The following MX2 variants were observed in gnomAD, a reference collection of about 807,000 sequenced individuals.
MX2 encodes the protein MX dynamin like GTPase 2.
Under a neutral mutation model 74.0 loss-of-function variants are expected in MX2, and 51 were observed. That is an observed-to-expected ratio of 0.69 (90% CI 0.55 to 0.87). The LOEUF is 0.87. Among genes scored for constraint, MX2 ranks in the 40% least tolerant of loss-of-function variants. MX2 has a pLI of 0.00. For synonymous variants in MX2, 369 were observed against 339.3 expected, an observed-to-expected ratio of 1.09 and a Z score of -0.96; for missense variants, 832 against 908.7, an observed-to-expected ratio of 0.92 and a Z score of 1.09.
At chr21:41,362,769 T>TTTTTTC (rs2089227719) in intron 1 of MX2, among the ~76,000 whole-genome samples, 1 of 142,864 alleles carries the variant, frequency 7.0e-6, no homozygotes, top group Non-Finnish European at 1.5e-5. Context: ...TTTTTTTTTT[T>TTTTTTC]TTTTTTTGAG....
intron 5 of MX2, among the ~76,000 whole-genome samples, chr21:41,389,296 C>T (rs2089624267): frequency 1.3e-5 from 2 of 152,166 alleles, no homozygotes; most frequent in South Asian, 4.2e-4. Flanking sequence ...GAGCAGATTA[C>T]TTGCGGCCAG....
chr21:41,398,864 C>T (rs375570869), intron 8 of MX2, 33 bp from the exon 9 acceptor site: 426 of 1,602,030 alleles, frequency 2.7e-4, no homozygotes, highest in Non-Finnish European at 2.5e-4. Flanking sequence ...TCTCTTAAGC[C>T]GCAGTTTGAT....
rs144980650 is a variant in MX2 at position 41,385,163 on chromosome 21, G to A, written c.732+2599G>A. Among the ~76,000 whole-genome samples, 1,086 of 152,288 alleles carry A rather than the reference G, an allele frequency of 7.1e-3. 13 individuals carry two copies. The highest frequency in any genetic ancestry group is 0.025 in the African/African-American group (1,024 of 41,550). On this transcript the variant is annotated intron_variant, in intron 5 of 13. Transcript: ENST00000330714. ...CCTTTGTATTCAACACTTAGCTAAC[G>A]GGTTGGCACAAGCAGCTTAGCTTTT...
chr21:41,377,637 C>T (rs1338246190), intron 2 of MX2, 152 bp from the exon 3 acceptor site: 2 of 771,604 alleles, frequency 2.6e-6, no homozygotes, highest in African/African-American at 3.5e-5. Flanking sequence ...CAGAAGGGCC[C>T]CTGAAAGCAG....
chr21:41,397,749 T>TAGCCAACTCCAGACCAAGAGA, intron 8 of MX2, 58 bp downstream of exon 8: 1 of 1,492,470 alleles, frequency 6.7e-7, no homozygotes, highest in South Asian at 1.1e-5. Flanking sequence ...GTCACTCTCT[T>TAGCCAACTCCAGACCAAGAGA]GGTCTGGAGT....
intron 12 of MX2, 114 bp downstream of exon 12, chr21:41,403,457 C>A: frequency 1.0e-6 from 1 of 958,906 alleles, no homozygotes; most frequent in Non-Finnish European, 1.7e-6. Flanking sequence ...TAATGGCAGG[C>A]TGGCGAGGCT....
rs368410852 is a variant in MX2 at position 41,402,082 on chromosome 21, C to T, written c.1527C>T (p.Ile509=). The T allele has an allele frequency of 6.2e-7, 1 of 1,614,152 alleles. No individual in the cohort carries two copies. The highest frequency in any genetic ancestry group is 8.5e-7 in the Non-Finnish European group (1 of 1,180,026). ...TTGAGATCATCGTGCATCAGTACAT[C>T]CAGCAGCTGGTGGAGCCCGCCCTTA... is the stretch of plus-strand genomic sequence containing the variant. ...KTFEIIVHQY[I]QQLVEPALSM... is the part of the protein sequence containing the mutation. Residue 509 remains isoleucine (I), a synonymous_variant, in exon 11 of 14, where the codon ATC becomes ATT. Transcript: ENST00000330714. The surrounding 1 kb of genome is among the most constrained non-coding windows in gnomAD (Gnocchi z 4.5).
At chr21:41,369,399 G>A (rs62219630) in intron 1 of MX2, among the ~76,000 whole-genome samples, 88 of 152,282 alleles carry the variant, frequency 5.8e-4, no homozygotes, top group Admixed American at 9.1e-4. Flanking sequence ...GCAAGACTGG[G>A]CAAGAGCTCA....
intron 1 of MX2, among the ~76,000 whole-genome samples, chr21:41,371,476 G>A (rs905010151): frequency 1.3e-5 from 2 of 152,180 alleles, no homozygotes; most frequent in Admixed American, 1.3e-4. Flanking sequence ...CAGGCTGGAG[G>A]TCAGAAAAGT....
intron 3 of MX2, 118 bp from the exon 4 acceptor site, chr21:41,379,899 G>C: frequency 7.5e-7 from 1 of 1,333,586 alleles, no homozygotes; most frequent in Non-Finnish European, 1.0e-6. Context: ...AGGCCCCAGG[G>C]AGAGCCAGAA....
chr21:41,402,797 C>G lies in MX2; in HGVS notation c.1574-470C>G, dbSNP rs1005694622. On this transcript the variant is annotated intron_variant, in intron 11 of 13. Transcript: ENST00000330714. This position sits in a 1 kb window ranked among gnomAD's most constrained non-coding sequence, Gnocchi z 4.5. Reference sequence around the variant, plus strand: ...GCGGTGATGGGAGACAGTGACAGATCGTCAGGCATTAGATTCTCATAAGGA... The same window carrying G: ...GCGGTGATGGGAGACAGTGACAGATGGTCAGGCATTAGATTCTCATAAGGA... The G allele has an allele frequency of 1.8e-5, 3 of 169,238 alleles. No individual in the cohort carries two copies. Among genetic ancestry groups the G allele is most frequent in the African/African-American group, 7.2e-5 (3 of 41,864 alleles). The allele number at this position is 169,238 out of a possible 1,614,324, so 10.5% of individuals were successfully genotyped here. A position where few individuals can be genotyped will look rare whatever the true frequency, so the allele number is the denominator to read the frequency against.
chr21:41,391,842 A>G (rs986049748), intron 6 of MX2, among the ~76,000 whole-genome samples: 25 of 143,410 alleles, frequency 1.7e-4, no homozygotes, highest in Non-Finnish European at 2.5e-4. Flanking sequence ...CTTTTGTTTT[A>G]GGTTCAGGGG....
At chr21:41,401,779 T>C (rs2089817820) in intron 10 of MX2, 191 bp from the exon 11 acceptor site, 3 of 539,634 alleles carry the variant, frequency 5.6e-6, no homozygotes, top group South Asian at 3.1e-5. Context: ...AAGATTTTTT[T>C]CCCCCAAAAG....
At chr21:41,371,989 C>T (rs1029208643) in intron 1 of MX2, among the ~76,000 whole-genome samples, 1 of 152,156 alleles carries the variant, frequency 6.6e-6, no homozygotes, top group Middle Eastern at 3.2e-3. Flanking sequence ...TTGTATTTTG[C>T]GAACACCGAG....
At chr21:41,367,056 AAGGGCCGCTCTG>A (rs957441434) in intron 1 of MX2, 12 of 152,368 alleles carry the variant, frequency 7.9e-5, no homozygotes, top group African/African-American at 2.9e-4. Flanking sequence ...CGTGAGAACT[AAGGGCCGCTCTG>A]ATTGACCATA....
At chr21:41,367,758 G>T (rs889494301) in intron 1 of MX2, among the ~76,000 whole-genome samples, 26 of 152,246 alleles carry the variant, frequency 1.7e-4, no homozygotes, top group Non-Finnish European at 3.7e-4. Flanking sequence ...AAATCCTGCG[G>T]CTCAGCAGTA....
At chr21:41,373,077 C>G (rs945330038) in intron 1 of MX2, 3 of 152,216 alleles carry the variant, frequency 2.0e-5, no homozygotes, top group Non-Finnish European at 2.9e-5. Flanking sequence ...GGAAAGATAT[C>G]GTGCAGATGG....
chr21:41,403,358 TTCACTTGCTAG>T lies in MX2; in HGVS notation c.1650+20_1650+30del, dbSNP rs2089841556. The T allele has an allele frequency of 6.2e-7, 1 of 1,602,762 alleles. No individual in the cohort carries two copies. Among genetic ancestry groups the T allele is most frequent in the Non-Finnish European group, 8.5e-7 (1 of 1,169,884 alleles). On this transcript the variant is annotated intron_variant, in intron 12 of 13. Coordinates refer to ENST00000330714, the MANE Select transcript of MX2 (RefSeq NM_002463.2). Reference sequence around the variant, plus strand: ...AAACTGTTCAGGTAAGCACCCAGAGTTCACTTGCTAGTCACCTGGACCACTGGCTGTTTAAC... The same window carrying T: ...AAACTGTTCAGGTAAGCACCCAGAGTTCACCTGGACCACTGGCTGTTTAAC...
chr21:41,362,750 C>CTTTTTTTTTTTT (rs56903696), intron 1 of MX2, among the ~76,000 whole-genome samples: 2 of 82,158 alleles, frequency 2.4e-5, no homozygotes, highest in Non-Finnish European at 4.6e-5. Context: ...GTTTTTTTTT[C>CTTTTTTTTTTTT]TTTTTTTTTT....
Sources: gnomAD v4.1 joint callset for allele counts (sites outside exome capture counted in the v4.1 genomes callset) on GRCh38, gnomAD v4.1.1 for gene constraint, Gnocchi (gnomAD v3.1) non-coding constraint, MANE v1.5 for transcripts, NCBI Gene and HGNC (gene_info 2026-07-23, HGNC 2026-07-21) for gene names.